KCNB2: variants seen among roughly 807,000 people sequenced by gnomAD.
The protein encoded by KCNB2 is delayed rectifier potassium channel protein.
KCNB2 carries 15 observed loss-of-function variants against 61.5 expected under a neutral mutation model. That is an observed-to-expected ratio of 0.24 (90% confidence interval 0.16 to 0.38). The LOEUF (loss-of-function observed/expected upper bound fraction) is 0.38, where lower values mean the gene tolerates loss of function less well. Among genes scored for constraint, KCNB2 ranks in the 10% least tolerant of loss-of-function variants. KCNB2 has a pLI of 1.00. For missense variants in KCNB2, 828 were observed against 1,125.2 expected, an observed-to-expected ratio of 0.74 and a Z score of 3.78; for synonymous variants, 457 against 446.0, an observed-to-expected ratio of 1.02 and a Z score of -0.31.
intron 2 of KCNB2, among the ~76,000 whole-genome samples, chr8:72,784,447 A>C (rs1414121591): frequency 6.6e-6 from 1 of 152,172 alleles, no homozygotes; most frequent in Non-Finnish European, 1.5e-5. Context: ...TCACTCTGCT[A>C]TAAAGAACTT....
intron 2 of KCNB2, among the ~76,000 whole-genome samples, chr8:72,576,386 T>G (rs543998965): frequency 6.6e-6 from 1 of 152,310 alleles, no homozygotes; most frequent in Admixed American, 6.5e-5. Flanking sequence ...TCATTGTTAT[T>G]TGCACTAGCT....
chr8:72,881,785 C>A (rs6993466), intron 2 of KCNB2: 1 of 151,490 alleles, frequency 6.6e-6, no homozygotes, highest in Non-Finnish European at 1.5e-5. Context: ...CCAGACAATG[C>A]AGAGGGCGTG....
chr8:72,643,773 A>G (rs1255342116), intron 2 of KCNB2, among the ~76,000 whole-genome samples: 1 of 152,170 alleles, frequency 6.6e-6, no homozygotes, highest in Admixed American at 6.6e-5. Flanking sequence ...TACATGAACA[A>G]AGGAAAACAT....
chr8:72,781,206 GCTC>G (rs1808748329), intron 2 of KCNB2, among the ~76,000 whole-genome samples: 1 of 152,102 alleles, frequency 6.6e-6, no homozygotes, highest in Non-Finnish European at 1.5e-5. Context: ...CTGTGCAGGA[GCTC>G]TTTAGTTTAA....
intron 1 of KCNB2, among the ~76,000 whole-genome samples, chr8:72,543,984 CTA>C (rs1806225888): frequency 6.6e-6 from 1 of 152,158 alleles, no homozygotes; most frequent in Non-Finnish European, 1.5e-5. Flanking sequence ...CAAAATCAAA[CTA>C]TGTAGTTTGC....
chr8:72,928,987 A>G (rs908931806), intron 2 of KCNB2, among the ~76,000 whole-genome samples: 2 of 152,156 alleles, frequency 1.3e-5, no homozygotes, highest in Non-Finnish European at 2.9e-5. Flanking sequence ...GGCATTTTCC[A>G]AACACATCTC....
chr8:72,822,960 C>A (rs764489230), intron 2 of KCNB2, among the ~76,000 whole-genome samples: 31 of 152,016 alleles, frequency 2.0e-4, no homozygotes, highest in Non-Finnish European at 4.4e-4. Flanking sequence ...TGACCCCTCC[C>A]CACCCAACCC....
chr8:72,735,781 T>C (rs1807834271), intron 2 of KCNB2, among the ~76,000 whole-genome samples: 1 of 152,198 alleles, frequency 6.6e-6, no homozygotes, highest in Non-Finnish European at 1.5e-5. Flanking sequence ...TTTTACTAAA[T>C]GGATTGCCAG....
chr8:72,766,263 A>G (rs1808459552), intron 2 of KCNB2, among the ~76,000 whole-genome samples: 4 of 152,200 alleles, frequency 2.6e-5, no homozygotes. Flanking sequence ...TGCAACCTGG[A>G]CATATTGTGT....
In KCNB2 at chr8:72,936,241, G is replaced by A. The variant is rs750005116; in HGVS notation, c.886G>A (p.Val296Met). The change falls in exon 3 of 3, where the codon GTG (valine) becomes ATG (methionine). Residue 296 changes from valine (V) to methionine (M), a missense_variant. Transcript: ENST00000523207. The surrounding 1 kb of genome is among the most constrained non-coding windows in gnomAD (Gnocchi z 5.6). ...SNKSVLQFQN[V>M]RRVVQIFRIM... Reference sequence around the variant, plus strand: ...CAAGAGCGTGCTGCAGTTCCAAAACGTGAGGCGCGTGGTCCAGATCTTCCG... The same window carrying A: ...CAAGAGCGTGCTGCAGTTCCAAAACATGAGGCGCGTGGTCCAGATCTTCCG... 2 of 1,614,090 alleles carry A rather than the reference G, an allele frequency of 1.2e-6. No homozygotes were observed. Among genetic ancestry groups the A allele is most frequent in the Admixed American group, 1.7e-5 (1 of 60,010 alleles).
rs1806937140 is a variant in KCNB2 at position 72,937,374 on chromosome 8, C to A, written c.2019C>A (p.Asp673Glu). The change falls in exon 3 of 3, where the codon GAC becomes GAA. Residue 673 changes from aspartate to glutamate, a missense_variant. Around this residue, in one of 4 missense-constraint regions of KCNB2, gnomAD observed 559 missense variants for 588.4 expected, o/e 0.95. Transcript: ENST00000523207. ...GCACGCTGGAGTATGCCCCAGTTGA[C>A]ATAACTGTGAACCTCGATGCCAGTG... ...RDGTLEYAPV[D>E]ITVNLDASGS... 3 of 1,614,086 alleles carry A rather than the reference C, an allele frequency of 1.9e-6. No individual in the cohort carries two copies. Among genetic ancestry groups the A allele is most frequent in the African/African-American group, 2.7e-5 (2 of 75,020 alleles).
chr8:72,587,835 A>G (rs1028556294), intron 2 of KCNB2, among the ~76,000 whole-genome samples: 3 of 152,222 alleles, frequency 2.0e-5, no homozygotes, highest in African/African-American at 7.2e-5. Flanking sequence ...AGGTTATTAC[A>G]TCTAGATTAC....
chr8:72,551,559 C>A (rs1164601501), intron 1 of KCNB2, among the ~76,000 whole-genome samples: 1 of 152,138 alleles, frequency 6.6e-6, no homozygotes, highest in Non-Finnish European at 1.5e-5. Flanking sequence ...GCTCTCTCTT[C>A]CCACTTTCAC....
intron 2 of KCNB2, among the ~76,000 whole-genome samples, chr8:72,571,387 C>G (rs1156427257): frequency 6.6e-6 from 1 of 151,996 alleles, no homozygotes; most frequent in Non-Finnish European, 1.5e-5. Context: ...GTATTAATAA[C>G]TGAAAAAAAG....
intron 2 of KCNB2, among the ~76,000 whole-genome samples, chr8:72,782,862 T>TGGGC (rs1808785855): frequency 6.6e-6 from 1 of 152,210 alleles, no homozygotes; most frequent in African/African-American, 2.4e-5. Flanking sequence ...TTTTTCTTTT[T>TGGGC]CTTTTTCTGC....
intron 2 of KCNB2, among the ~76,000 whole-genome samples, chr8:72,859,632 T>A (rs1285823335): frequency 6.6e-6 from 1 of 151,850 alleles, no homozygotes; most frequent in Non-Finnish European, 1.5e-5. Context: ...ATGGTCCTCT[T>A]GGATTGGCTT....
At chr8:72,912,040 A>G (rs745363080) in intron 2 of KCNB2, among the ~76,000 whole-genome samples, 2 of 152,216 alleles carry the variant, frequency 1.3e-5, no homozygotes, top group African/African-American at 2.4e-5. Context: ...AGTTGTCACT[A>G]TTAAATATCT....
chr8:72,802,939 T>A (rs1233396704), intron 2 of KCNB2, among the ~76,000 whole-genome samples: 1 of 152,186 alleles, frequency 6.6e-6, no homozygotes, highest in Non-Finnish European at 1.5e-5. Context: ...GAAATATCTG[T>A]CTCTGAAAAC....
chr8:72,934,117 G>A (rs1806846908), intron 2 of KCNB2, among the ~76,000 whole-genome samples: 1 of 152,040 alleles, frequency 6.6e-6, no homozygotes, highest in Admixed American at 6.6e-5. Flanking sequence ...AAGGGGCCAG[G>A]CACAGTGGCT....
Sources: gnomAD v4.1 joint callset for allele counts (sites outside exome capture counted in the v4.1 genomes callset) on GRCh38, gnomAD v4.1.1 for gene constraint, gnomAD v4.1.1 regional missense constraint, Gnocchi (gnomAD v3.1) non-coding constraint, MANE v1.5 for transcripts, NCBI Gene and HGNC (gene_info 2026-07-23, HGNC 2026-07-21) for gene names.